Variants in CADM2 observed in about 807,000 individuals in gnomAD.
CADM2 encodes immunoglobulin superfamily member 4D.
A neutral mutation model predicts 49.8 loss-of-function variants in CADM2; 12 were observed. The observed-to-expected ratio is 0.24, with a 90% CI of 0.15 to 0.39. The LOEUF is 0.39. Among genes scored for constraint, CADM2 ranks in the 10% least tolerant of loss-of-function variants. The pLI, the probability that CADM2 is intolerant of heterozygous loss-of-function variation, is 1.00. For synonymous variants in CADM2, 214 were observed against 175.4 expected, an observed-to-expected ratio of 1.22 and a Z score of -1.74; for missense variants, 378 against 492.3, an observed-to-expected ratio of 0.77 and a Z score of 2.20.
At chr3:85,183,021 G>A (rs2040973412) in intron 1 of CADM2, among the ~76,000 whole-genome samples, 1 of 152,046 alleles carries the variant, frequency 6.6e-6, no homozygotes, top group South Asian at 2.1e-4. Context: ...AATATTACAT[G>A]AAGATAGCTC....
At chr3:85,664,323 G>A (rs1436623070) in intron 1 of CADM2, among the ~76,000 whole-genome samples, 1 of 151,894 alleles carries the variant, frequency 6.6e-6, no homozygotes, top group Admixed American at 6.6e-5. Flanking sequence ...ATAGCTACAG[G>A]CATTTTCAAG....
chr3:85,711,711 A>T (rs1373014975), intron 1 of CADM2, among the ~76,000 whole-genome samples: 2 of 152,318 alleles, frequency 1.3e-5, no homozygotes, highest in Admixed American at 1.3e-4. Flanking sequence ...TATTATAGAT[A>T]TTCAACCTCA....
At chr3:85,703,890 G>T (rs375228352) in intron 1 of CADM2, among the ~76,000 whole-genome samples, 5 of 152,160 alleles carry the variant, frequency 3.3e-5, no homozygotes, top group African/African-American at 1.2e-4. Flanking sequence ...TAGCAAAACA[G>T]TGTCTTTCAA....
chr3:85,127,891 G>A lies in CADM2; in HGVS notation c.61+168223G>A, dbSNP rs111311317. Among the ~76,000 whole-genome samples the A allele has an allele frequency of 6.3e-3, 950 of 151,946 alleles. 14 individuals are homozygous for A. The highest frequency in any genetic ancestry group is 0.021 in the African/African-American group (864 of 41,438). ...ATAAATGTGATCAAATACAATCTAC[G>A]TTTGCCCCAAACAATACAGTTTCTG... On this transcript the variant is annotated intron_variant, in intron 1 of 9. Coordinates refer to ENST00000383699, the MANE Select transcript of CADM2 (RefSeq NM_001167675.2).
At chr3:85,561,639 A>C (rs1003570965) in intron 1 of CADM2, among the ~76,000 whole-genome samples, 2 of 152,128 alleles carry the variant, frequency 1.3e-5, no homozygotes, top group Admixed American at 6.6e-5. Flanking sequence ...CAGAAGGGAG[A>C]AGTTTCTGAG....
intron 1 of CADM2, among the ~76,000 whole-genome samples, chr3:85,080,097 G>A (rs1403249054): frequency 6.6e-6 from 1 of 151,904 alleles, no homozygotes; most frequent in African/African-American, 2.4e-5. Context: ...AATCTCAGAA[G>A]GGATTTTAAA....
intron 8 of CADM2, among the ~76,000 whole-genome samples, chr3:85,974,274 G>A (rs1726512715): frequency 6.6e-6 from 1 of 151,548 alleles, no homozygotes; most frequent in South Asian, 2.1e-4. Flanking sequence ...TGTGAAACAG[G>A]GTGTGCCTCT....
intron 8 of CADM2, among the ~76,000 whole-genome samples, chr3:85,968,780 T>A (rs1345779415): frequency 6.6e-6 from 1 of 151,638 alleles, no homozygotes; most frequent in Non-Finnish European, 1.5e-5. Flanking sequence ...TTGGCTCATT[T>A]GTTACAGATT....
intron 6 of CADM2, among the ~76,000 whole-genome samples, chr3:85,921,498 T>A (rs1230792143): frequency 6.6e-6 from 1 of 152,046 alleles, no homozygotes; most frequent in Non-Finnish European, 1.5e-5. Context: ...ATATACTTTA[T>A]TTTTAAGAGC....
intron 1 of CADM2, among the ~76,000 whole-genome samples, chr3:85,230,468 T>C (rs2042260752): frequency 6.6e-6 from 1 of 152,208 alleles, no homozygotes; most frequent in Admixed American, 6.5e-5. Context: ...GTGAGGATAT[T>C]AGATTAGTGA....
At chr3:85,181,311 T>C (rs957152572) in intron 1 of CADM2, among the ~76,000 whole-genome samples, 6 of 152,124 alleles carry the variant, frequency 3.9e-5, no homozygotes, top group South Asian at 2.1e-4. Flanking sequence ...TTTTATTCAT[T>C]TAGTTAATCA....
intron 1 of CADM2, among the ~76,000 whole-genome samples, chr3:85,709,103 C>A (rs1334393496): frequency 6.6e-6 from 1 of 151,688 alleles, no homozygotes; most frequent in African/African-American, 2.4e-5. Context: ...AATTTAGGTC[C>A]CCAAATAACT....
chr3:85,013,141 TTA>T (rs2034076634), intron 1 of CADM2, among the ~76,000 whole-genome samples: 1 of 98,142 alleles, frequency 1.0e-5, no homozygotes, highest in Non-Finnish European at 2.1e-5. Flanking sequence ...GCACTGGAAA[TTA>T]AAAAAAAAAA....
At chr3:85,366,506 G>A (rs1576426970) in intron 1 of CADM2, among the ~76,000 whole-genome samples, 1 of 151,988 alleles carries the variant, frequency 6.6e-6, no homozygotes, top group Admixed American at 6.6e-5. Context: ...TGTTATTTGT[G>A]GTAATTTTTC....
chr3:84,976,796 A>C (rs949314472), intron 1 of CADM2, among the ~76,000 whole-genome samples: 2 of 151,950 alleles, frequency 1.3e-5, no homozygotes, highest in African/African-American at 4.8e-5. Context: ...GACTATTAGT[A>C]ATCAATGGCT....
At chr3:85,841,553 T>C (rs776036530) in intron 3 of CADM2, among the ~76,000 whole-genome samples, 8 of 152,072 alleles carry the variant, frequency 5.3e-5, no homozygotes, top group Non-Finnish European at 1.0e-4. Context: ...CCTGAAGTAC[T>C]TGTTTTAAAC....
intron 1 of CADM2, among the ~76,000 whole-genome samples, chr3:85,412,775 A>T (rs1281772375): frequency 6.6e-6 from 1 of 152,202 alleles, no homozygotes; most frequent in Admixed American, 6.5e-5. Flanking sequence ...AGTACAGAAA[A>T]CTAGCAAAAT....
chr3:86,018,742 A>C (rs1346016311), intron 8 of CADM2, among the ~76,000 whole-genome samples: 1 of 151,878 alleles, frequency 6.6e-6, no homozygotes, highest in Non-Finnish European at 1.5e-5. Context: ...TATTCTTGTA[A>C]ATTTGTTTGA....
At chr3:85,152,550 G>T (rs184849866) in intron 1 of CADM2, among the ~76,000 whole-genome samples, 3 of 152,216 alleles carry the variant, frequency 2.0e-5, no homozygotes, top group African/African-American at 7.2e-5. Context: ...GGAGTTGGGG[G>T]TCATATCCTC....
Sources: gnomAD v4.1 joint callset for allele counts (sites outside exome capture counted in the v4.1 genomes callset) on GRCh38, gnomAD v4.1.1 for gene constraint, MANE v1.5 for transcripts, NCBI Gene and HGNC (gene_info 2026-07-23, HGNC 2026-07-21) for gene names.